The following MCTP1 variants were observed in gnomAD, a reference collection of about 807,000 sequenced individuals.
The protein encoded by MCTP1 is multiple C2 and transmembrane domain-containing protein 1.
MCTP1 carries 69 observed loss-of-function variants against 120.6 expected under a neutral mutation model. That is an observed-to-expected ratio of 0.57 (90% CI 0.47 to 0.70). The LOEUF is 0.70. Among genes scored for constraint, MCTP1 ranks in the 30% least tolerant of loss-of-function variants. The pLI is 0.00. For synonymous variants in MCTP1, 529 were observed against 493.1 expected, an observed-to-expected ratio of 1.07 and a Z score of -0.96; for missense variants, 1,203 against 1,248.8, an observed-to-expected ratio of 0.96 and a Z score of 0.55.
chr5:95,158,772 CAAA>C (rs144028033), intron 1 of MCTP1, among the ~76,000 whole-genome samples: 172 of 138,986 alleles, frequency 1.2e-3, no homozygotes, highest in East Asian at 2.3e-3. Flanking sequence ...CAAAAAATAC[CAAA>C]AAAAAAAAAA....
At chr5:94,810,043 A>G (rs1783105467) in intron 17 of MCTP1, among the ~76,000 whole-genome samples, 2 of 152,224 alleles carry the variant, frequency 1.3e-5, no homozygotes, top group South Asian at 2.1e-4. Context: ...CTTTTTCATG[A>G]TAGTCTAATC....
chr5:94,918,079 G>T, intron 7 of MCTP1, 106 bp from the exon 8 acceptor site: 1 of 813,922 alleles, frequency 1.2e-6, no homozygotes, highest in Non-Finnish European at 2.0e-6. Flanking sequence ...CATTATTTGA[G>T]AAAATTTGTA....
chr5:94,711,809 C>G (rs1410992722), intron 20 of MCTP1, among the ~76,000 whole-genome samples: 1 of 151,406 alleles, frequency 6.6e-6, no homozygotes, highest in East Asian at 1.9e-4. Flanking sequence ...AGGCAAAAAC[C>G]ATGATGTAAA....
chr5:94,899,154 A>G (rs1804853582), intron 10 of MCTP1, among the ~76,000 whole-genome samples: 1 of 152,248 alleles, frequency 6.6e-6, no homozygotes, highest in Admixed American at 6.5e-5. Flanking sequence ...AAAAAGGGGT[A>G]TAGACTGACT....
intron 1 of MCTP1, chr5:95,081,711 C>G: frequency 7.9e-7 from 1 of 1,268,112 alleles, no homozygotes; most frequent in Non-Finnish European, 1.0e-6. Flanking sequence ...TGACTCAACT[C>G]TCAAACCAGT....
intron 6 of MCTP1, chr5:94,929,757 T>C (rs1172106191): frequency 2.5e-6 from 2 of 807,508 alleles, no homozygotes; most frequent in African/African-American, 3.7e-5. Flanking sequence ...CGATTTTGGA[T>C]TTAACATTGC....
chr5:95,049,494 A>G (rs1467854442), intron 1 of MCTP1, among the ~76,000 whole-genome samples: 1 of 152,112 alleles, frequency 6.6e-6, no homozygotes, highest in East Asian at 1.9e-4. Flanking sequence ...AAAGAACAAA[A>G]TCGCATCCTG....
intron 19 of MCTP1, among the ~76,000 whole-genome samples, chr5:94,757,485 T>C (rs377208511): frequency 6.6e-6 from 1 of 152,160 alleles, no homozygotes; most frequent in Non-Finnish European, 1.5e-5. Flanking sequence ...GTGCTACTGG[T>C]AGAAATCCAT....
At chr5:95,107,692 G>A (rs781270104) in intron 1 of MCTP1, among the ~76,000 whole-genome samples, 16 of 152,140 alleles carry the variant, frequency 1.1e-4, no homozygotes, top group South Asian at 6.2e-4. Flanking sequence ...AAAGTTCTAC[G>A]AATTCTAAAA....
intron 17 of MCTP1, among the ~76,000 whole-genome samples, chr5:94,821,254 G>T (rs1021920416): frequency 5.9e-5 from 9 of 152,170 alleles, no homozygotes; most frequent in Admixed American, 4.6e-4. Flanking sequence ...GCTTTATAAA[G>T]GCTCTTGAAT....
intron 2 of MCTP1, among the ~76,000 whole-genome samples, chr5:94,977,388 C>T (rs1317676231): frequency 6.6e-6 from 1 of 151,854 alleles, no homozygotes. Context: ...TTAAAATGTA[C>T]ATACTACCCA....
chr5:94,800,843 G>A (rs928144454), intron 17 of MCTP1, among the ~76,000 whole-genome samples: 3 of 151,970 alleles, frequency 2.0e-5, no homozygotes, highest in African/African-American at 7.2e-5. Context: ...ATAGATTCAA[G>A]TTCCTGCATA....
chr5:94,723,594 G>A (rs1445356524), intron 19 of MCTP1, among the ~76,000 whole-genome samples: 1 of 151,690 alleles, frequency 6.6e-6, no homozygotes. Context: ...TGCAGAATGA[G>A]TCTTTACCTG....
At chr5:95,099,003 G>C (rs1267321609) in intron 1 of MCTP1, among the ~76,000 whole-genome samples, 4 of 151,914 alleles carry the variant, frequency 2.6e-5, no homozygotes, top group African/African-American at 9.7e-5. Context: ...ACAAACCTGA[G>C]AAAAACAAGC....
At chr5:94,926,785 G>A (rs1038724487) in intron 6 of MCTP1, among the ~76,000 whole-genome samples, 3 of 152,082 alleles carry the variant, frequency 2.0e-5, no homozygotes, top group South Asian at 2.1e-4. Context: ...CCTTTTAATC[G>A]GTCCAGGAAG....
intron 20 of MCTP1, among the ~76,000 whole-genome samples, chr5:94,713,781 C>T (rs1185526602): frequency 6.6e-6 from 1 of 152,054 alleles, no homozygotes. Context: ...TGGAAATATA[C>T]AAAATAAAAT....
intron 19 of MCTP1, among the ~76,000 whole-genome samples, chr5:94,748,459 G>T (rs1767449854): frequency 6.6e-6 from 1 of 152,148 alleles, no homozygotes; most frequent in Non-Finnish European, 1.5e-5. Flanking sequence ...TTTTGACATG[G>T]TTAAATAGGT....
chr5:94,887,493 G>A (rs1801606458), intron 12 of MCTP1, among the ~76,000 whole-genome samples: 1 of 151,984 alleles, frequency 6.6e-6, no homozygotes, highest in Non-Finnish European at 1.5e-5. Flanking sequence ...GAAATAAATG[G>A]TACTTGCATT....
chr5:95,188,831 G>A (rs1413706625), intron 1 of MCTP1, among the ~76,000 whole-genome samples: 1 of 152,066 alleles, frequency 6.6e-6, no homozygotes, highest in Non-Finnish European at 1.5e-5. Flanking sequence ...TCGAGTACAT[G>A]TAAAACTGGG....
Sources: gnomAD v4.1 joint callset for allele counts (sites outside exome capture counted in the v4.1 genomes callset) on GRCh38, gnomAD v4.1.1 for gene constraint, MANE v1.5 for transcripts, NCBI Gene and HGNC (gene_info 2026-07-23, HGNC 2026-07-21) for gene names.